The following GALNT18 variants were observed in gnomAD, a reference collection of about 807,000 sequenced individuals.
GALNT18 encodes GalNAc-transferase 18.
Under a neutral mutation model 69.5 loss-of-function variants are expected in GALNT18, and 44 were observed. That is an observed-to-expected ratio of 0.63 (90% CI 0.50 to 0.81). The LOEUF is 0.81. GALNT18 is among the 40% of genes least tolerant of loss of function. GALNT18 has a pLI of 0.00. For synonymous variants in GALNT18, 364 were observed against 318.2 expected (o/e 1.14, Z -1.53); for missense variants, 715 against 810.0 (o/e 0.88, Z 1.42).
intron 3 of GALNT18, among the ~76,000 whole-genome samples, chr11:11,409,650 G>T (rs1854683306): frequency 6.6e-6 from 1 of 151,184 alleles, no homozygotes; most frequent in Non-Finnish European, 1.5e-5. Flanking sequence ...CTCCATGCAG[G>T]AATCTCTGAT....
chr11:11,554,124 G>A (rs985973385), intron 1 of GALNT18, among the ~76,000 whole-genome samples: 1 of 152,126 alleles, frequency 6.6e-6, no homozygotes, highest in South Asian at 2.1e-4. Flanking sequence ...GCTGACTGGC[G>A]GCTTCTTCCC....
intron 3 of GALNT18, among the ~76,000 whole-genome samples, chr11:11,384,658 C>T (rs1854006241): frequency 6.6e-6 from 1 of 152,158 alleles, no homozygotes; most frequent in Non-Finnish European, 1.5e-5. Flanking sequence ...GTGCTCTTTT[C>T]CTCTTTCTGC....
chr11:11,618,147 G>C lies in GALNT18; in HGVS notation c.235+3212C>G, dbSNP rs925048651. 4.7e-4 allele frequency among the ~76,000 whole-genome samples: 71 copies of C among 152,314 alleles called. No homozygotes were observed. The highest frequency in any genetic ancestry group is 1.4e-3 in the Admixed American group (21 of 15,300). On this transcript the variant is annotated intron_variant, in intron 1 of 10. Coordinates refer to ENST00000227756, the MANE Select transcript of GALNT18 (RefSeq NM_198516.3). This position sits in a 1 kb window ranked among gnomAD's most constrained non-coding sequence, Gnocchi z 6.1. ...CAGACCTCTGGGGTGATGCTCCAAA[G>C]CCTCTTCTAATTGCAAGTCCTATGG... is the stretch of plus-strand genomic sequence containing the variant.
chr11:11,340,764 TTTTG>T lies in GALNT18; in HGVS notation c.1278+51_1278+54del, dbSNP rs1850189310. Reference sequence around the variant, plus strand: ...AAGAAGGGTTCGGTCCCATATCTTGTTTTGTTTGTTTTCCACCAATCCCCGAGAA... The same window carrying T: ...AAGAAGGGTTCGGTCCCATATCTTGTTTTGTTTTCCACCAATCCCCGAGAA... On this transcript the variant is annotated intron_variant, in intron 7 of 10. Transcript: ENST00000227756. The surrounding 1 kb of genome is among the most constrained non-coding windows in gnomAD (Gnocchi z 4.2). The T allele has an allele frequency of 2.6e-6, 4 of 1,519,412 alleles. No individual in the cohort carries two copies. The highest frequency in any genetic ancestry group is 1.4e-5 in the African/African-American group (1 of 72,082). The allele number at this position is 1,519,412 out of a possible 1,614,324, so 94.1% of individuals were successfully genotyped here.
chr11:11,280,897 C>G (rs764322889), intron 10 of GALNT18, among the ~76,000 whole-genome samples: 27 of 152,306 alleles, frequency 1.8e-4, no homozygotes, highest in African/African-American at 6.5e-4. Context: ...CTCTTAGGCC[C>G]AGAGGCATCC....
chr11:11,619,959 C>T lies in GALNT18; in HGVS notation c.235+1400G>A, dbSNP rs907833382. ...TCAGGAAGCACTATGGATGTGGATGCCTCTCCTGCACTCACCTGAACCTCC... is the reference window on the plus strand; with the variant it reads ...TCAGGAAGCACTATGGATGTGGATGTCTCTCCTGCACTCACCTGAACCTCC... On this transcript the variant is annotated intron_variant, in intron 1 of 10. Transcript: ENST00000227756. The surrounding 1 kb of genome is among the most constrained non-coding windows in gnomAD (Gnocchi z 4.9). Among the ~76,000 whole-genome samples the T allele has an allele frequency of 1.3e-5, 2 of 152,136 alleles. No homozygotes were observed. Among genetic ancestry groups the T allele is most frequent in the African/African-American group, 4.8e-5 (2 of 41,434 alleles).
At chr11:11,423,499 T>C (rs1378374661) in intron 3 of GALNT18, among the ~76,000 whole-genome samples, 2 of 152,088 alleles carry the variant, frequency 1.3e-5, no homozygotes, top group Non-Finnish European at 2.9e-5. Flanking sequence ...CCAGAAAGCC[T>C]CTATGCAACC....
Position 11,459,867 on chromosome 11 carries a change from C to T in GALNT18, c.236-10931G>A, listed in dbSNP as rs961815930. Among the ~76,000 whole-genome samples, 10 of 152,140 alleles carry T rather than the reference C, an allele frequency of 6.6e-5. No homozygotes were observed. Among genetic ancestry groups the T allele is most frequent in the Admixed American group, 2.0e-4 (3 of 15,274 alleles). On this transcript the variant is annotated intron_variant, in intron 1 of 10. Transcript: ENST00000227756. This position sits in a 1 kb window ranked among gnomAD's most constrained non-coding sequence, Gnocchi z 5.0. ...GTAAGAAGTCTGACAGGCATCTCAC[C>T]GGGCTAAAATCAAGGTGTTGGTAGG...
chr11:11,445,077 C>T (rs1855618674), intron 2 of GALNT18, among the ~76,000 whole-genome samples: 1 of 152,232 alleles, frequency 6.6e-6, no homozygotes, highest in African/African-American at 2.4e-5. Context: ...GCCGACCTTC[C>T]TCCCTCCAAA....
intron 1 of GALNT18, among the ~76,000 whole-genome samples, chr11:11,517,564 C>G (rs1857308669): frequency 6.6e-6 from 1 of 152,188 alleles, no homozygotes; most frequent in Non-Finnish European, 1.5e-5. Flanking sequence ...TAAAGAGACC[C>G]TCACATTTAG....
intron 1 of GALNT18, among the ~76,000 whole-genome samples, chr11:11,484,593 C>CAAAAAAAAAAAAA (rs1159968814): frequency 1.2e-5 from 1 of 83,066 alleles, no homozygotes; most frequent in Non-Finnish European, 2.2e-5. Context: ...AACTCCATCT[C>CAAAAAAAAAAAAA]AAAAAAAAAA....
chr11:11,341,235 CA>C lies in GALNT18; in HGVS notation c.1093-232del, dbSNP rs749238191. The stretch of plus-strand genomic sequence containing the variant: ...GCTCTTATTGCTGTGGATTTACCAA[CA>C]AAAAAAATGAATGCACTTTTTCCCT... On this transcript the variant is annotated intron_variant, in intron 6 of 10. Coordinates refer to ENST00000227756, the MANE Select transcript of GALNT18 (RefSeq NM_198516.3). The surrounding 1 kb of genome is among the most constrained non-coding windows in gnomAD (Gnocchi z 6.3). Among the ~76,000 whole-genome samples, 2 of 151,994 alleles carry C rather than the reference CA, an allele frequency of 1.3e-5. No individual in the cohort carries two copies. The highest frequency in any genetic ancestry group is 4.8e-5 in the African/African-American group (2 of 41,458).
intron 9 of GALNT18, among the ~76,000 whole-genome samples, chr11:11,326,041 C>CTTTT (rs34393732): frequency 4.7e-5 from 5 of 105,414 alleles, no homozygotes; most frequent in Non-Finnish European, 5.7e-5. Flanking sequence ...TGCTAAATAT[C>CTTTT]TTTTTTTTTT....
In GALNT18 at chr11:11,617,034, G is replaced by C. The variant is rs551567124; in HGVS notation, c.235+4325C>G. 2.5e-4 allele frequency among the ~76,000 whole-genome samples: 38 copies of C among 152,216 alleles called. 1 individual carries two copies. In the South Asian group the frequency reaches 6.6e-3, roughly 27 times the overall value. On this transcript the variant is annotated intron_variant, in intron 1 of 10. Coordinates refer to ENST00000227756, the MANE Select transcript of GALNT18 (RefSeq NM_198516.3). This position sits in a 1 kb window ranked among gnomAD's most constrained non-coding sequence, Gnocchi z 4.7. ...GAGACTGCTTCATAAGCACCTTTAA[G>C]TTTCCAATGAATTTTAAAGAAAACA...
At chr11:11,482,642 C>T (rs554217700) in intron 1 of GALNT18, among the ~76,000 whole-genome samples, 4 of 152,220 alleles carry the variant, frequency 2.6e-5, no homozygotes, top group Admixed American at 2.6e-4. Context: ...TGCCCTGTGC[C>T]GGTGGGAAAT....
In GALNT18 at chr11:11,372,741, G is replaced by C; in HGVS notation, c.978-112C>G. On this transcript the variant is annotated intron_variant, in intron 5 of 10. Coordinates refer to ENST00000227756, the MANE Select transcript of GALNT18 (RefSeq NM_198516.3). The surrounding 1 kb of genome is among the most constrained non-coding windows in gnomAD (Gnocchi z 4.9). ...GGTTCTCTTCCTTCCTTTGCTGCCA[G>C]AGCCAGTGTGAGCCTTGTTCTTGGA... The C allele has an allele frequency of 1.2e-6, 1 of 801,378 alleles. No homozygotes were observed. Among genetic ancestry groups the C allele is most frequent in the South Asian group, 1.6e-5 (1 of 64,284 alleles). The allele number at this position is 801,378 out of a possible 1,614,324, so 49.6% of individuals were successfully genotyped here. A position where few individuals can be genotyped will look rare whatever the true frequency, so the allele number is the denominator to read the frequency against.
At chr11:11,528,272 C>G (rs78047453) in intron 1 of GALNT18, among the ~76,000 whole-genome samples, 6,120 of 152,280 alleles carry the variant, frequency 0.04, 430 homozygotes, top group African/African-American at 0.14. Flanking sequence ...GCACAGAGTA[C>G]TTAGGTAGAA....
chr11:11,592,976 C>T lies in GALNT18; in HGVS notation c.235+28383G>A, dbSNP rs1048778427. Among the ~76,000 whole-genome samples, 4 of 152,114 alleles carry T rather than the reference C, an allele frequency of 2.6e-5. No homozygotes were observed. Among genetic ancestry groups the T allele is most frequent in the Non-Finnish European group, 5.9e-5 (4 of 68,016 alleles). On this transcript the variant is annotated intron_variant, in intron 1 of 10. Transcript: ENST00000227756. This position sits in a 1 kb window ranked among gnomAD's most constrained non-coding sequence, Gnocchi z 5.9. ...TGTCTCCCAGGCTGGAGTGCAGTGG[C>T]GCAATCTCAGCTCACTGCAAGCTGC...
chr11:11,363,055 T>C (rs191467791), intron 6 of GALNT18, among the ~76,000 whole-genome samples: 3 of 152,308 alleles, frequency 2.0e-5, no homozygotes, highest in Admixed American at 6.5e-5. Context: ...ATGTGCATAG[T>C]ATACTACCAT....
Sources: allele counts gnomAD v4.1 joint callset (sites outside exome capture counted in the v4.1 genomes callset), GRCh38; gene constraint gnomAD v4.1.1; non-coding constraint Gnocchi (gnomAD v3.1); transcripts MANE v1.5; gene names NCBI Gene and HGNC (gene_info 2026-07-23, HGNC 2026-07-21).